SYT10: variants seen among roughly 807,000 people sequenced by gnomAD.
SYT10 encodes the protein synaptotagmin 10.
In SYT10, 31 loss-of-function variants were observed where a neutral mutation model predicts 51.1. The ratio of observed to expected loss-of-function variants is 0.61; its 90% CI spans 0.46 to 0.82. The LOEUF is 0.82. Ranked by LOEUF, SYT10 falls within the 40% of genes least tolerant of loss-of-function variation. The pLI is 0.00. For missense variants in SYT10, 603 were observed against 634.0 expected (o/e 0.95, Z 0.53); for synonymous variants, 233 against 225.9 (o/e 1.03, Z -0.28).
chr12:33,415,055 A>G (rs1199424228), intron 2 of SYT10, among the ~76,000 whole-genome samples: 1 of 152,154 alleles, frequency 6.6e-6, no homozygotes, highest in Non-Finnish European at 1.5e-5. Context: ...CTATCAGAAG[A>G]AAGTGTTTAA....
intron 4 of SYT10, among the ~76,000 whole-genome samples, chr12:33,383,956 G>T (rs1190183732): frequency 6.6e-6 from 1 of 152,100 alleles, no homozygotes. Flanking sequence ...AGAGTACACT[G>T]TTTATCTTAA....
chr12:33,377,094 T>C (rs1457493777), intron 6 of SYT10, among the ~76,000 whole-genome samples, 193 bp from the exon 7 acceptor site: 1 of 152,216 alleles, frequency 6.6e-6, no homozygotes, highest in Non-Finnish European at 1.5e-5. Flanking sequence ...TCTCATAGAA[T>C]GTAGGCAGAG....
chr12:33,407,442 C>A (rs930947779), intron 2 of SYT10, 86 bp from the exon 3 acceptor site: 37 of 1,375,562 alleles, frequency 2.7e-5, no homozygotes, highest in Non-Finnish European at 3.5e-5. Flanking sequence ...CTCTTCCCCA[C>A]CCCCAGAATA....
Position 33,426,498 on chromosome 12 carries a change from G to A in SYT10, c.152-3C>T. 6.4e-7 allele frequency: 1 copy of A among 1,553,662 alleles called. No homozygotes were observed. Among genetic ancestry groups the A allele is most frequent in the Non-Finnish European group, 8.7e-7 (1 of 1,154,080 alleles). On this transcript the variant is annotated splice_region_variant and splice_polypyrimidine_tract_variant and intron_variant, in intron 1 of 6. Coordinates refer to ENST00000228567, the MANE Select transcript of SYT10 (RefSeq NM_198992.4). ...AGCTAACAGGCTGACTGAAATATCT[G>A]GAAAAATTACAATGTAAAAATGATT... is the stretch of plus-strand genomic sequence containing the variant.
chr12:33,422,361 C>T (rs1484620014), intron 2 of SYT10, among the ~76,000 whole-genome samples: 1 of 151,896 alleles, frequency 6.6e-6, no homozygotes, highest in African/African-American at 2.4e-5. Flanking sequence ...TTTCTATTTC[C>T]TGATTTTTAT....
chr12:33,406,702 G>T lies in SYT10; in HGVS notation c.1077+87C>A, dbSNP rs532944176. 9.6e-6 allele frequency: 11 copies of T among 1,146,234 alleles called. No homozygotes were observed. In the South Asian group the frequency reaches 1.4e-4, roughly 15 times the overall value. 71.0% of individuals were successfully genotyped at this position (1,146,234 alleles called of 1,614,324 possible). A position where few individuals can be genotyped will look rare whatever the true frequency, so the allele number is the denominator to read the frequency against. ...AGACATAAATTCCATAACTCTGCAA[G>T]GCTTATTCCGATAATTTGGGTAATA... is the stretch of plus-strand genomic sequence containing the variant. On this transcript the variant is annotated intron_variant, in intron 3 of 6. Coordinates refer to ENST00000228567, the MANE Select transcript of SYT10 (RefSeq NM_198992.4).
At chr12:33,427,625 G>A (rs925893712) in intron 1 of SYT10, among the ~76,000 whole-genome samples, 5 of 152,064 alleles carry the variant, frequency 3.3e-5, no homozygotes, top group African/African-American at 9.7e-5. Context: ...ATGCAAACAA[G>A]CTTATTGTAT....
In SYT10 at chr12:33,375,037, A is replaced by G. The variant is rs1262097626; in HGVS notation, c.*1793T>C. On this transcript the variant is annotated 3_prime_UTR_variant, in exon 7 of 7. Transcript: ENST00000228567. ...TCCCAATAAAACAAATAATTTCAAA[A>G]TGCAAGTGTCATCTTTCATTTTACC... is the stretch of plus-strand genomic sequence containing the variant. 1 of 152,064 alleles carries G rather than the reference A, an allele frequency of 6.6e-6. No homozygotes were observed. The highest frequency in any genetic ancestry group is 2.4e-5 in the African/African-American group (1 of 41,450). The allele number at this position is 152,064 out of a possible 1,614,324, so 9.4% of individuals were successfully genotyped here. A position where few individuals can be genotyped will look rare whatever the true frequency, so the allele number is the denominator to read the frequency against.
intron 3 of SYT10, chr12:33,405,442 T>A (rs1037643943): frequency 6.6e-6 from 1 of 152,118 alleles, no homozygotes; most frequent in African/African-American, 2.4e-5. Context: ...TAATAGATAT[T>A]GCAATAGAGA....
chr12:33,431,539 T>C (rs1866596989), intron 1 of SYT10, among the ~76,000 whole-genome samples: 1 of 152,168 alleles, frequency 6.6e-6, no homozygotes, highest in Non-Finnish European at 1.5e-5. Flanking sequence ...ACATTAATTG[T>C]AATTATTTAA....
chr12:33,415,778 C>T (rs910799502), intron 2 of SYT10, among the ~76,000 whole-genome samples: 3 of 152,128 alleles, frequency 2.0e-5, no homozygotes, highest in Middle Eastern at 3.2e-3. Context: ...GAAACAAAGA[C>T]AAGAGTGATT....
At chr12:33,380,039 T>A in intron 5 of SYT10, 78 bp from the exon 6 acceptor site, 1 of 1,462,648 alleles carries the variant, frequency 6.8e-7, no homozygotes, top group South Asian at 1.3e-5. Context: ...AGTAGAATTT[T>A]AAAAATATGA....
At chr12:33,433,930 C>T (rs574486757) in intron 1 of SYT10, among the ~76,000 whole-genome samples, 26 of 152,296 alleles carry the variant, frequency 1.7e-4, no homozygotes, top group Non-Finnish European at 3.1e-4. Flanking sequence ...TAGCCTATCT[C>T]CATCACTAAC....
rs1262418346 is a variant in SYT10 at position 33,375,302 on chromosome 12, G to T, written c.*1528C>A. Reference sequence around the variant, plus strand: ...TAAGAGATGTCAACAAAATTTCAAGGCTTTTAAAACTTTTTTTTAATATTT... The same window carrying T: ...TAAGAGATGTCAACAAAATTTCAAGTCTTTTAAAACTTTTTTTTAATATTT... On this transcript the variant is annotated 3_prime_UTR_variant, in exon 7 of 7. Transcript: ENST00000228567. 1.3e-5 allele frequency: 2 copies of T among 151,634 alleles called. No individual in the cohort carries two copies. The highest frequency in any genetic ancestry group is 2.9e-5 in the Non-Finnish European group (2 of 67,826). 9.4% of individuals were successfully genotyped at this position (151,634 alleles called of 1,614,324 possible).
chr12:33,434,105 C>G lies in SYT10; in HGVS notation c.151+5267G>C, dbSNP rs1403820694. Among the ~76,000 whole-genome samples, 3 of 152,294 alleles carry G rather than the reference C, an allele frequency of 2.0e-5. No individual in the cohort carries two copies. The East Asian group carries it at 5.8e-4, about 29-fold the overall frequency. On this transcript the variant is annotated intron_variant, in intron 1 of 6. Coordinates refer to ENST00000228567, the MANE Select transcript of SYT10 (RefSeq NM_198992.4). ...AGCACACTAACATGCTTTCCTTTTA[C>G]TGCCATACATGAATATATTGAACAG...
At position 33,375,715 on chromosome 12, in the gene SYT10, G is replaced by T. The variant is rs1866056787; in HGVS notation, c.*1115C>A. On this transcript the variant is annotated 3_prime_UTR_variant, in exon 7 of 7. Coordinates refer to ENST00000228567, the MANE Select transcript of SYT10 (RefSeq NM_198992.4). ...TTTATTATTATTAAGCATTGAAGTT[G>T]TATTATTAATATTTATAGTATATTT... 2 of 152,342 alleles carry T rather than the reference G, an allele frequency of 1.3e-5. No individual in the cohort carries two copies. The highest frequency in any genetic ancestry group is 4.8e-5 in the African/African-American group (2 of 41,424). The allele number at this position is 152,342 out of a possible 1,614,324, so 9.4% of individuals were successfully genotyped here.
intron 2 of SYT10, among the ~76,000 whole-genome samples, chr12:33,423,164 C>T (rs1442435162): frequency 1.3e-5 from 2 of 152,070 alleles, no homozygotes; most frequent in Non-Finnish European, 2.9e-5. Flanking sequence ...CTTCTAGGCC[C>T]ATCAGGATGC....
intron 2 of SYT10, among the ~76,000 whole-genome samples, chr12:33,413,707 C>A (rs1407324501): frequency 6.6e-6 from 1 of 152,124 alleles, no homozygotes; most frequent in Non-Finnish European, 1.5e-5. Flanking sequence ...AAGGAACAAC[C>A]GGTACCAGCC....
Position 33,426,347 on chromosome 12 carries a change from A to C in SYT10, c.300T>G (p.Ile100Met). ...TSNITTLPQS[I>M]SSAPTEVFET... is the part of the protein sequence containing the mutation. ...CAAAAACTTCAGTAGGAGCACTTGA[A>C]ATGCTCTGTGGAAGCGTAGTGATGT... Residue 100 changes from isoleucine to methionine, a missense_variant, in exon 2 of 7, where the codon ATT becomes ATG. Ile to Met is a conservative substitution (Grantham distance 10, BLOSUM62 1). Coordinates refer to ENST00000228567, the MANE Select transcript of SYT10 (RefSeq NM_198992.4). 1 of 1,614,120 alleles carries C rather than the reference A, an allele frequency of 6.2e-7. No homozygotes were observed. The highest frequency in any genetic ancestry group is 8.5e-7 in the Non-Finnish European group (1 of 1,180,026).
Sources: allele counts gnomAD v4.1 joint callset (sites outside exome capture counted in the v4.1 genomes callset), GRCh38; gene constraint gnomAD v4.1.1; transcripts MANE v1.5; gene names NCBI Gene and HGNC (gene_info 2026-07-23, HGNC 2026-07-21).